MAMDC2: variants seen among roughly 807,000 people sequenced by gnomAD.
MAMDC2 encodes MAM domain containing 2, also known as MAM domain-containing protein 2.
Under a neutral mutation model 89.8 loss-of-function variants are expected in MAMDC2, and 57 were observed. The observed-to-expected ratio is 0.63, with a 90% confidence interval of 0.51 to 0.79. The LOEUF (loss-of-function observed/expected upper bound fraction) is 0.79. MAMDC2 is among the 30% of genes least tolerant of loss of function. The pLI, the probability that MAMDC2 is intolerant of heterozygous loss-of-function variation, is 0.00. For synonymous variants in MAMDC2, 313 were observed against 293.4 expected (o/e 1.07, Z -0.68); for missense variants, 800 against 820.6 (o/e 0.97, Z 0.31).
At chr9:70,204,238 T>C (rs1445468346) in intron 11 of MAMDC2, among the ~76,000 whole-genome samples, 1 of 149,414 alleles carries the variant, frequency 6.7e-6, no homozygotes, top group Non-Finnish European at 1.5e-5. Flanking sequence ...GTTTTCGGTG[T>C]GGATGTCCTT....
In MAMDC2 at chr9:70,066,268, AAG is replaced by A. The variant is rs145576056; in HGVS notation, c.148+21572_148+21573del. Reference sequence around the variant, plus strand: ...AAAGCAAGGGCAAAATCCCTGAGGAAAGGGGGTGCTTGGTGAATATGAAGAAC... The same window carrying A: ...AAAGCAAGGGCAAAATCCCTGAGGAAGGGGTGCTTGGTGAATATGAAGAAC... On this transcript the variant is annotated intron_variant, in intron 2 of 13. Transcript: ENST00000377182. 3.4e-3 allele frequency among the ~76,000 whole-genome samples: 512 copies of A among 152,230 alleles called. 2 individuals are homozygous for A. Among genetic ancestry groups the A allele is most frequent in the African/African-American group, 0.01 (431 of 41,544 alleles).
chr9:70,062,277 A>G lies in MAMDC2; in HGVS notation c.148+17580A>G, dbSNP rs1270218448. Among the ~76,000 whole-genome samples, 6 of 152,132 alleles carry G rather than the reference A, an allele frequency of 3.9e-5. No homozygotes were observed. In the East Asian group the frequency reaches 1.2e-3, roughly 29 times the overall value. ...GAGATGTATACACACACACACACACACACTATCTCTTTATATATTTATCTA... is the reference window on the plus strand; with the variant it reads ...GAGATGTATACACACACACACACACGCACTATCTCTTTATATATTTATCTA... On this transcript the variant is annotated intron_variant, in intron 2 of 13. Transcript: ENST00000377182.
chr9:70,100,021 A>AGAGAGAGAGAGAGAGAGAGC lies in MAMDC2; in HGVS notation c.149-8187_149-8186insAGAGAGAGAGAGAGAGCGAG, dbSNP rs1316783544. Among the ~76,000 whole-genome samples, 6 of 144,526 alleles carry AGAGAGAGAGAGAGAGAGAGC rather than the reference A, an allele frequency of 4.2e-5. No homozygotes were observed. In the East Asian group the frequency reaches 1.3e-3, roughly 30 times the overall value. The allele number at this position is 144,526 out of a possible 152,430, so 94.8% of individuals were successfully genotyped here. Reference sequence around the variant, plus strand: ...GAGAGAGAGAGAGAGAGAGAGAGAGAGAGCACAAGCACAATGGGCAGCAGG... The same window carrying AGAGAGAGAGAGAGAGAGAGC: ...GAGAGAGAGAGAGAGAGAGAGAGAGAGAGAGAGAGAGAGAGAGAGCGAGCACAAGCACAATGGGCAGCAGG... On this transcript the variant is annotated intron_variant, in intron 2 of 13. Coordinates refer to ENST00000377182, the MANE Select transcript of MAMDC2 (RefSeq NM_153267.5).
At chr9:70,162,552 G>A (rs2032011523) in intron 9 of MAMDC2, among the ~76,000 whole-genome samples, 1 of 145,034 alleles carries the variant, frequency 6.9e-6, no homozygotes, top group African/African-American at 2.5e-5. Flanking sequence ...GTGCAGTGAT[G>A]TGATCACAGT....
At chr9:70,131,694 T>C in intron 7 of MAMDC2, 82 bp downstream of exon 7, 1 of 1,017,014 alleles carries the variant, frequency 9.8e-7, no homozygotes. Context: ...TTTTAATTGC[T>C]TTTAATTTTC....
chr9:70,158,252 A>G (rs2031837922), intron 9 of MAMDC2, among the ~76,000 whole-genome samples: 2 of 152,210 alleles, frequency 1.3e-5, no homozygotes, highest in South Asian at 4.1e-4. Context: ...ACACCCAGCC[A>G]AAGAAATCTT....
intron 11 of MAMDC2, among the ~76,000 whole-genome samples, chr9:70,175,369 G>A (rs1299114376): frequency 1.3e-5 from 2 of 152,128 alleles, no homozygotes; most frequent in Admixed American, 1.3e-4. Flanking sequence ...ATTTCATGAT[G>A]GATTAGATGA....
At chr9:70,112,867 G>A (rs1828547010) in intron 4 of MAMDC2, 128 bp from the exon 5 acceptor site, 1 of 1,143,696 alleles carries the variant, frequency 8.7e-7, no homozygotes, top group Non-Finnish European at 1.3e-6. Context: ...CAGGGGTCCT[G>A]GTAGAAAGGT....
Position 70,218,518 on chromosome 9 carries a change from C to T in MAMDC2, c.1833C>T (p.Leu611=). 1.9e-6 allele frequency: 3 copies of T among 1,614,162 alleles called. No homozygotes were observed. Among genetic ancestry groups the T allele is most frequent in the Non-Finnish European group, 2.5e-6 (3 of 1,180,022 alleles). The part of the protein sequence containing the change: ...LKKEEDSEES[L]LWRRRGEQSI... ...AGGAAGAAGACAGTGAAGAGTCCCT[C>T]TTATGGAGGAGAAGAGGTGAACAGA... The change falls in exon 12 of 14, where the codon CTC becomes CTT. Residue 611 remains leucine, a synonymous_variant. Transcript: ENST00000377182.
At chr9:70,081,253 A>G (rs1399134125) in intron 2 of MAMDC2, among the ~76,000 whole-genome samples, 4 of 152,118 alleles carry the variant, frequency 2.6e-5, no homozygotes, top group South Asian at 4.2e-4. Flanking sequence ...CTAGTGATAG[A>G]TGATAAGTCA....
At chr9:70,192,554 TA>T (rs1486030362) in intron 11 of MAMDC2, among the ~76,000 whole-genome samples, 1 of 152,106 alleles carries the variant, frequency 6.6e-6, no homozygotes, top group Non-Finnish European at 1.5e-5. Context: ...GGGAAGAGTA[TA>T]AAAATTTATA....
chr9:70,137,164 T>A (rs957234270), intron 7 of MAMDC2, among the ~76,000 whole-genome samples: 4 of 152,164 alleles, frequency 2.6e-5, no homozygotes, highest in Non-Finnish European at 1.5e-5. Context: ...TAAAATTTAA[T>A]TTTCTTGGAG....
chr9:70,123,267 A>G lies in MAMDC2; in HGVS notation c.644-2892A>G, dbSNP rs545837107. ...TTCACATGAGTTCTTAGAGAACAGA[A>G]GCAGATTACAGAAGCTAACTGGTCA... On this transcript the variant is annotated intron_variant, in intron 5 of 13. Transcript: ENST00000377182. 3.9e-5 allele frequency among the ~76,000 whole-genome samples: 6 copies of G among 152,332 alleles called. No individual in the cohort carries two copies. The East Asian group carries it at 1.2e-3, about 29-fold the overall frequency.
chr9:70,205,019 C>T (rs1296911202), intron 11 of MAMDC2, among the ~76,000 whole-genome samples: 1 of 152,250 alleles, frequency 6.6e-6, no homozygotes, highest in African/African-American at 2.4e-5. Context: ...CCGTCTTCTG[C>T]CTCGCTCACG....
At chr9:70,127,772 C>T (rs144810522) in intron 6 of MAMDC2, among the ~76,000 whole-genome samples, 11 of 151,876 alleles carry the variant, frequency 7.2e-5, no homozygotes, top group African/African-American at 1.4e-4. Context: ...AACCAGGTCT[C>T]GATTTGTTCT....
chr9:70,152,802 T>C (rs2031625747), intron 9 of MAMDC2, among the ~76,000 whole-genome samples: 3 of 152,314 alleles, frequency 2.0e-5, no homozygotes, highest in Middle Eastern at 3.4e-3. Context: ...GTAAAATGGG[T>C]ATACCAGGAG....
chr9:70,077,481 G>A (rs1013729756), intron 2 of MAMDC2, among the ~76,000 whole-genome samples: 1 of 152,128 alleles, frequency 6.6e-6, no homozygotes, highest in Non-Finnish European at 1.5e-5. Context: ...AGATGTGGCT[G>A]GTATGACTGA....
chr9:70,211,687 G>A (rs2033357117), intron 11 of MAMDC2, among the ~76,000 whole-genome samples: 1 of 152,180 alleles, frequency 6.6e-6, no homozygotes, highest in Admixed American at 6.5e-5. Flanking sequence ...ACGTTCCTCT[G>A]GAATAGAAGA....
At chr9:70,143,501 C>T in intron 8 of MAMDC2, 53 bp from the exon 9 acceptor site, 1 of 1,563,112 alleles carries the variant, frequency 6.4e-7, no homozygotes, top group South Asian at 1.1e-5. Flanking sequence ...TTACCACTTG[C>T]TAATCTAGAT....
Sources: gnomAD v4.1 joint callset for allele counts (sites outside exome capture counted in the v4.1 genomes callset) on GRCh38, gnomAD v4.1.1 for gene constraint, MANE v1.5 for transcripts, NCBI Gene and HGNC (gene_info 2026-07-23, HGNC 2026-07-21) for gene names.